SCML2: variants seen among roughly 807,000 people sequenced by gnomAD.
The protein encoded by SCML2 is sex comb on midleg-like protein 2.
In SCML2, 6 loss-of-function variants were observed where a neutral mutation model predicts 48.4. That is an observed-to-expected ratio of 0.12 (90% CI 0.07 to 0.24). SCML2 has a LOEUF of 0.24. Among genes scored for constraint, SCML2 ranks in the 10% least tolerant of loss-of-function variants. SCML2 has a pLI of 1.00. For synonymous variants in SCML2, 181 were observed against 189.5 expected (o/e 0.95, Z 0.37); for missense variants, 377 against 528.2 (o/e 0.71, Z 2.81).
intron 7 of SCML2, among the ~76,000 whole-genome samples, chrX:18,301,259 G>T (rs1049409074): frequency 2.7e-5 from 3 of 110,743 alleles, no homozygotes; most frequent in Non-Finnish European, 3.8e-5. Flanking sequence ...TTAACTGAGC[G>T]TGATGGTGGG....
intron 1 of SCML2, among the ~76,000 whole-genome samples, chrX:18,338,419 G>A (rs1341259970): frequency 6.8e-5 from 7 of 103,652 alleles, no homozygotes; most frequent in Non-Finnish European, 1.2e-4. Context: ...ACTCCAGCCT[G>A]GGCAACAAAG....
At chrX:18,332,961 T>C (rs1381141135) in intron 2 of SCML2, among the ~76,000 whole-genome samples, 1 of 109,423 alleles carries the variant, frequency 9.1e-6, no homozygotes, top group East Asian at 2.9e-4. Context: ...TCTGAGTAAT[T>C]TCATCTCTGT....
intron 7 of SCML2, among the ~76,000 whole-genome samples, chrX:18,279,240 T>C (rs1927746600): frequency 8.9e-6 from 1 of 112,761 alleles, no homozygotes; most frequent in African/African-American, 3.2e-5. Flanking sequence ...ATCTACTGGA[T>C]CACAGCACAA....
At chrX:18,337,201 C>T (rs1929848630) in intron 1 of SCML2, among the ~76,000 whole-genome samples, 1 of 102,262 alleles carries the variant, frequency 9.8e-6, no homozygotes, top group Non-Finnish European at 2.0e-5. Context: ...ACTTGGGAGG[C>T]TGAGACAGAA....
intron 7 of SCML2, among the ~76,000 whole-genome samples, chrX:18,282,497 G>C (rs913843303): frequency 9.0e-6 from 1 of 110,909 alleles, no homozygotes; most frequent in Non-Finnish European, 1.9e-5. Context: ...AATTAGCCAA[G>C]CATAGTAGCA....
intron 1 of SCML2, among the ~76,000 whole-genome samples, chrX:18,338,458 GAAAAA>G (rs375290546): frequency 1.3e-5 from 1 of 78,007 alleles, no homozygotes; most frequent in Non-Finnish European, 2.6e-5. Context: ...AAAAAAAAAA[GAAAAA>G]AAAAAAACAA....
At chrX:18,253,388 C>A (rs1272182495) in intron 11 of SCML2, among the ~76,000 whole-genome samples, 5 of 111,316 alleles carry the variant, frequency 4.5e-5, no homozygotes. Context: ...GGTAAACATG[C>A]AAAGAAGTAA....
chrX:18,260,678 G>GA (rs1193603467), intron 8 of SCML2, among the ~76,000 whole-genome samples: 1 of 109,339 alleles, frequency 9.1e-6, no homozygotes, highest in Non-Finnish European at 1.9e-5. Context: ...ACCTCCAATA[G>GA]AAAAAAAATC....
intron 7 of SCML2, among the ~76,000 whole-genome samples, chrX:18,280,104 C>T (rs907888513): frequency 9.0e-6 from 1 of 111,616 alleles, no homozygotes; most frequent in Non-Finnish European, 1.9e-5. Flanking sequence ...ATTTTACAGG[C>T]AGCCAGAAAT....
At chrX:18,299,789 G>A (rs894358177) in intron 7 of SCML2, among the ~76,000 whole-genome samples, 1 of 107,046 alleles carries the variant, frequency 9.3e-6, no homozygotes, top group Non-Finnish European at 1.9e-5. Flanking sequence ...CCAGGCTGTA[G>A]TGCAGTGACA....
intron 7 of SCML2, among the ~76,000 whole-genome samples, chrX:18,297,864 C>T (rs1236869053): frequency 1.8e-5 from 2 of 110,450 alleles, no homozygotes; most frequent in African/African-American, 6.6e-5. Context: ...TTTTAATTAG[C>T]TGGGCATGGT....
chrX:18,291,552 C>T (rs1297468063), intron 7 of SCML2, among the ~76,000 whole-genome samples: 1 of 111,743 alleles, frequency 8.9e-6, no homozygotes, highest in African/African-American at 3.2e-5. Context: ...AAAGTCCTAT[C>T]AAGGAGCATT....
chrX:18,347,411 C>A (rs913349995), intron 1 of SCML2, among the ~76,000 whole-genome samples: 4 of 108,118 alleles, frequency 3.7e-5, no homozygotes, highest in African/African-American at 1.4e-4. Context: ...TGCCATTGCA[C>A]CCCAGCCTGA....
intron 1 of SCML2, among the ~76,000 whole-genome samples, chrX:18,338,029 G>T (rs995772187): frequency 8.9e-6 from 1 of 112,122 alleles, no homozygotes; most frequent in Non-Finnish European, 1.9e-5. Flanking sequence ...AAAGAAGAAA[G>T]CTCAAGATAA....
At chrX:18,321,598 GAAA>G (rs776249974) in intron 5 of SCML2, among the ~76,000 whole-genome samples, 1 of 40,593 alleles carries the variant, frequency 2.5e-5, no homozygotes. Flanking sequence ...CACAATTGTT[GAAA>G]AAAAAAAAAA....
In SCML2 at chrX:18,305,224, AC is replaced by A. The variant is rs1411465727; in HGVS notation, c.487-10del. 8.5e-7 allele frequency: 1 copy of A among 1,174,054 alleles called. No homozygotes were observed. The highest frequency in any genetic ancestry group is 2.7e-5 in the Admixed American group (1 of 37,138). On this transcript the variant is annotated splice_polypyrimidine_tract_variant and intron_variant, in intron 6 of 14. Coordinates refer to ENST00000251900, the MANE Select transcript of SCML2 (RefSeq NM_006089.3). ...GGGGGCTTTGGTGGTTCCTATCAAA[AC>A]ATTAAAAAAAAAAAAGATTTCATTG...
intron 7 of SCML2, among the ~76,000 whole-genome samples, chrX:18,297,435 G>A (rs189117973): frequency 3.5e-4 from 39 of 111,765 alleles, no homozygotes; most frequent in South Asian, 1.9e-3. Flanking sequence ...GGCAAATTGT[G>A]CCTCGTGGGC....
At chrX:18,254,517 C>A in intron 11 of SCML2, among the ~76,000 whole-genome samples, 1 of 112,386 alleles carries the variant, frequency 8.9e-6, no homozygotes, top group Non-Finnish European at 1.9e-5. Flanking sequence ...TTTGATTAAT[C>A]TGAAAATTCA....
At chrX:18,255,107 A>T (rs938456338) in intron 11 of SCML2, among the ~76,000 whole-genome samples, 5 of 111,220 alleles carry the variant, frequency 4.5e-5, no homozygotes, top group Non-Finnish European at 9.4e-5. Context: ...ACCTCTCCTG[A>T]AGAAGGAAAA....
Sources: gnomAD v4.1 joint callset for allele counts (sites outside exome capture counted in the v4.1 genomes callset) on GRCh38, gnomAD v4.1.1 for gene constraint, MANE v1.5 for transcripts, NCBI Gene and HGNC (gene_info 2026-07-23, HGNC 2026-07-21) for gene names.